MED12L: variants seen among roughly 807,000 people sequenced by gnomAD.
MED12L encodes the protein mediator complex subunit 12L.
A neutral mutation model predicts 281.3 loss-of-function variants in MED12L; 60 were observed. The observed-to-expected ratio is 0.21, with a 90% CI of 0.17 to 0.26. The LOEUF is 0.26. MED12L is among the 10% of genes least tolerant of loss of function. The pLI is 1.00. For synonymous variants in MED12L, 974 were observed against 987.2 expected, an observed-to-expected ratio of 0.99 and a Z score of 0.25; for missense variants, 2,146 against 2,680.9, an observed-to-expected ratio of 0.80 and a Z score of 4.41.
chr3:151,143,358 GAAACGTTACTCTAACTAC>G (rs1264198529), intron 5 of MED12L, among the ~76,000 whole-genome samples: 2 of 152,218 alleles, frequency 1.3e-5, no homozygotes, highest in Non-Finnish European at 2.9e-5. Context: ...TTTAACTATT[GAAACGTTACTCTAACTAC>G]AGCTGATCAT....
chr3:151,323,900 G>A lies in MED12L; in HGVS notation c.2251-26159G>A, dbSNP rs370465404. On this transcript the variant is annotated intron_variant, in intron 16 of 44. Transcript: ENST00000687756. ...TGAAGTAATTGTAGGTGCCACTATTGCACCATTCATACCCCTGAGGTTGTT... is the reference window on the plus strand; with the variant it reads ...TGAAGTAATTGTAGGTGCCACTATTACACCATTCATACCCCTGAGGTTGTT... Among the ~76,000 whole-genome samples, 32 of 152,316 alleles carry A rather than the reference G, an allele frequency of 2.1e-4. 1 individual carries two copies. The highest frequency in any genetic ancestry group is 7.5e-4 in the African/African-American group (31 of 41,564).
intron 16 of MED12L, chr3:151,327,495 C>T (rs1749766802): frequency 6.6e-6 from 1 of 152,036 alleles, no homozygotes; most frequent in Non-Finnish European, 1.5e-5. Context: ...ACTTCAGTTC[C>T]TCAGACTCTT....
intron 16 of MED12L, among the ~76,000 whole-genome samples, chr3:151,222,765 A>G (rs1729634666): frequency 6.6e-6 from 1 of 152,232 alleles, no homozygotes. Flanking sequence ...TTGAGTTAGC[A>G]TCATTTTTTT....
chr3:151,099,290 A>G (rs1015601214), intron 2 of MED12L, among the ~76,000 whole-genome samples: 7 of 152,318 alleles, frequency 4.6e-5, no homozygotes, highest in Admixed American at 4.6e-4. Context: ...GTGGTTTCCA[A>G]ACTTTCTGCT....
intron 16 of MED12L, chr3:151,326,287 A>G (rs1251392700): frequency 6.6e-6 from 1 of 152,620 alleles, no homozygotes; most frequent in Non-Finnish European, 1.5e-5. Context: ...TTGCTTCTCT[A>G]ATACATAAAA....
In MED12L at chr3:151,172,185, T is replaced by G. The variant is rs181314895; in HGVS notation, c.1494+6203T>G. On this transcript the variant is annotated intron_variant, in intron 11 of 44. Coordinates refer to ENST00000687756, the MANE Select transcript of MED12L (RefSeq NM_001393769.1). ...GCTCTCTGCTGTGAAATCAGCAGTT[T>G]AGTGTATTTCTTTAGGGACATTGGA... Among the ~76,000 whole-genome samples the G allele has an allele frequency of 2.6e-3, 399 of 152,338 alleles. 3 individuals carry two copies. Among genetic ancestry groups the G allele is most frequent in the African/African-American group, 8.8e-3 (365 of 41,578 alleles).
chr3:151,101,701 G>A (rs910792549), intron 2 of MED12L, among the ~76,000 whole-genome samples: 18 of 144,204 alleles, frequency 1.2e-4, no homozygotes, highest in African/African-American at 3.6e-4. Context: ...GCCCCAGCAG[G>A]TTGGGGGGTG....
chr3:151,221,627 T>G (rs1390966940), intron 16 of MED12L, among the ~76,000 whole-genome samples: 2 of 152,206 alleles, frequency 1.3e-5, no homozygotes, highest in Non-Finnish European at 2.9e-5. Context: ...CTTGGCAGCT[T>G]CCACCTGGTG....
intron 16 of MED12L, among the ~76,000 whole-genome samples, chr3:151,348,582 T>G (rs1030654792): frequency 4.1e-4 from 63 of 152,028 alleles, no homozygotes; most frequent in African/African-American, 1.3e-3. Context: ...TCTTTTTTTT[T>G]TTTTTGGAGG....
chr3:151,398,524 T>G (rs1715268091), intron 39 of MED12L, among the ~76,000 whole-genome samples: 1 of 152,352 alleles, frequency 6.6e-6, no homozygotes, highest in African/African-American at 2.4e-5. Flanking sequence ...AGACAGTGTT[T>G]AACACAGTAC....
rs1308197140 is a variant in MED12L at position 151,409,288 on chromosome 3, C to T, written c.5866C>T (p.Pro1956Ser). The T allele has an allele frequency of 2.5e-6, 4 of 1,613,366 alleles. No individual in the cohort carries two copies. The highest frequency in any genetic ancestry group is 2.7e-5 in the African/African-American group (2 of 74,862). Reference sequence around the variant, plus strand: ...TGCTCTCTTTGCTGCGCAAGCACGGCCCTCCCCTCAGCTCCCTCAGTATCC... The same window carrying T: ...TGCTCTCTTTGCTGCGCAAGCACGGTCCTCCCCTCAGCTCCCTCAGTATCC... Reference protein sequence around the residue: ...QAALFAAQARPSPQLPQYPGL... With the variant: ...QAALFAAQARSSPQLPQYPGL... The change falls in exon 40 of 45, where the codon CCC becomes TCC. Residue 1956 changes from proline to serine, a missense_variant. By Grantham distance (74) the Pro-to-Ser change is moderately conservative. Around this residue, in one of 9 missense-constraint regions of MED12L, gnomAD observed 496 missense variants for 512.0 expected, o/e 0.97. Transcript: ENST00000687756.
At position 151,153,013 on chromosome 3, in the gene MED12L, A is replaced by G. The variant is rs35970046; in HGVS notation, c.557-3148A>G. ...GAGCTGCTTGTATGTAATGTGACAC[A>G]TCTCTGCTGTCACCCATTATGTGTT... On this transcript the variant is annotated intron_variant, in intron 5 of 44. Coordinates refer to ENST00000687756, the MANE Select transcript of MED12L (RefSeq NM_001393769.1). Among the ~76,000 whole-genome samples, 1,359 of 152,308 alleles carry G rather than the reference A, an allele frequency of 8.9e-3. 9 individuals are homozygous for G. The highest frequency in any genetic ancestry group is 0.014 in the Non-Finnish European group (950 of 68,010).
chr3:151,389,631 T>C (rs1208592345), intron 37 of MED12L, among the ~76,000 whole-genome samples: 1 of 152,196 alleles, frequency 6.6e-6, no homozygotes, highest in Admixed American at 6.5e-5. Flanking sequence ...CCTTCTAAGA[T>C]GAAATGATCA....
intron 16 of MED12L, among the ~76,000 whole-genome samples, chr3:151,279,636 G>A (rs1240433252): frequency 6.6e-6 from 1 of 152,210 alleles, no homozygotes; most frequent in Non-Finnish European, 1.5e-5. Flanking sequence ...GAATACTGAT[G>A]TGCATAGAGA....
chr3:151,102,534 ATGT>A (rs568848396), intron 2 of MED12L, among the ~76,000 whole-genome samples: 1 of 152,144 alleles, frequency 6.6e-6, no homozygotes, highest in Non-Finnish European at 1.5e-5. Context: ...CAGAAGAAGG[ATGT>A]TCTGCAGTGA....
chr3:151,141,187 G>GTTTTTTTTTTTTTTTTTTTTTT (rs76965310), intron 5 of MED12L, among the ~76,000 whole-genome samples: 6 of 99,106 alleles, frequency 6.1e-5, no homozygotes, highest in Admixed American at 2.1e-4. Context: ...TGTTTTTTTT[G>GTTTTTTTTTTTTTTTTTTTTTT]TTTTTTTTTT....
intron 5 of MED12L, among the ~76,000 whole-genome samples, chr3:151,140,847 T>TTTTGTTTGTTTG (rs201249568): frequency 1.4e-5 from 2 of 145,614 alleles, no homozygotes; most frequent in African/African-American, 5.1e-5. Context: ...ACGCAGATAA[T>TTTTGTTTGTTTG]TTTGTTTGTT....
chr3:151,413,438 G>T, intron 42 of MED12L, 143 bp downstream of exon 42: 3 of 941,900 alleles, frequency 3.2e-6, no homozygotes, highest in East Asian at 2.6e-5. Context: ...AGCTACATTG[G>T]TACAATTTAG....
intron 22 of MED12L, 33 bp downstream of exon 22, chr3:151,365,239 C>A (rs1472974291): frequency 6.4e-7 from 1 of 1,559,714 alleles, no homozygotes; most frequent in African/African-American, 1.4e-5. Flanking sequence ...TCATGATTAA[C>A]CAAAGAGTTG....
Sources: gnomAD v4.1 joint callset for allele counts (sites outside exome capture counted in the v4.1 genomes callset) on GRCh38, gnomAD v4.1.1 for gene constraint, gnomAD v4.1.1 regional missense constraint, MANE v1.5 for transcripts, NCBI Gene and HGNC (gene_info 2026-07-23, HGNC 2026-07-21) for gene names.